HAL: variants seen among roughly 807,000 people sequenced by gnomAD.
The protein encoded by HAL is histidase.
A neutral mutation model predicts 81.1 loss-of-function variants in HAL; 85 were observed. The observed-to-expected ratio is 1.05, with a 90% CI of 0.88 to 1.25. The LOEUF (loss-of-function observed/expected upper bound fraction) is 1.25. Among genes scored for constraint, HAL ranks in the 50% most tolerant of loss-of-function variants. HAL has a pLI of 0.00. For synonymous variants in HAL, 301 were observed against 309.2 expected (o/e 0.97, Z 0.28); for missense variants, 798 against 836.6 (o/e 0.95, Z 0.57).
chr12:95,987,888 T>A (rs568956669), intron 11 of HAL, among the ~76,000 whole-genome samples: 161 of 126,736 alleles, frequency 1.3e-3, no homozygotes, highest in African/African-American at 4.4e-3. Flanking sequence ...TTTGTCTTTT[T>A]TGGCGGGGCG....
Position 95,994,959 on chromosome 12 carries a change from A to T in HAL, c.282T>A (p.Ile94=). 1 of 1,613,136 alleles carries T rather than the reference A, an allele frequency of 6.2e-7. No homozygotes were observed. Among genetic ancestry groups the T allele is most frequent in the Non-Finnish European group, 8.5e-7 (1 of 1,179,106 alleles). ...IEGDAMSPDF[I]PSQPEGVYLY... ...GATAAACTCCTTCTGGTTGAGATGGAATGAAGTCAGGAGACATGGCATCAC... is the reference window on the plus strand; with the variant it reads ...GATAAACTCCTTCTGGTTGAGATGGTATGAAGTCAGGAGACATGGCATCAC... Residue 94 remains isoleucine, a synonymous_variant, in exon 3 of 21, where the codon ATT becomes ATA. Coordinates refer to ENST00000261208, the MANE Select transcript of HAL (RefSeq NM_002108.4).
chr12:95,988,191 A>T lies in HAL; in HGVS notation c.903+2T>A. The stretch of plus-strand genomic sequence containing the variant: ...GAACATATTTTTCTTGAGTTTCCTT[A>T]CCTCTTTTGGTTTTAAAATAACTGG... On this transcript the variant is annotated splice_donor_variant, in intron 11 of 20. Transcript: ENST00000261208. LOFTEE classifies it high-confidence loss of function. 7.0e-7 allele frequency: 1 copy of T among 1,424,126 alleles called. No individual in the cohort carries two copies. The highest frequency in any genetic ancestry group is 9.9e-7 in the Non-Finnish European group (1 of 1,006,952). 88.2% of individuals were successfully genotyped at this position (1,424,126 alleles called of 1,614,324 possible).
Position 95,995,736 on chromosome 12 carries a change from T to G in HAL, c.175A>C (p.Lys59Gln), listed in dbSNP as rs1292561250. ...TCGTTGTCCAGCAGGCCCAGGCCCT[T>G]GCACCGGCGCACAAGGAAGTGCGCG... ...DDAHFLVRRCKGLGLLDNEDR... is the reference protein window; with the variant it reads ...DDAHFLVRRCQGLGLLDNEDR... Residue 59 changes from lysine to glutamine, a missense_variant, in exon 2 of 21, where the codon AAG (lysine) becomes CAG (glutamine). Transcript: ENST00000261208. The G allele has an allele frequency of 1.9e-6, 3 of 1,613,730 alleles. No homozygotes were observed. The highest frequency in any genetic ancestry group is 2.5e-6 in the Non-Finnish European group (3 of 1,180,032).
Position 95,980,797 on chromosome 12 carries a change from C to G in HAL, c.1353+1G>C, listed in dbSNP as rs772750369. The G allele has an allele frequency of 1.3e-6, 2 of 1,596,304 alleles. No homozygotes were observed. Among genetic ancestry groups the G allele is most frequent in the African/African-American group, 1.3e-5 (1 of 74,522 alleles). On this transcript the variant is annotated splice_donor_variant, in intron 16 of 20. Transcript: ENST00000261208. LOFTEE classifies it high-confidence loss of function. ...GTCAGGAGCAGTTTTAAAAAGCTTA[C>G]TTTGGCTGGGTATTCACCATGGAAG... is the stretch of plus-strand genomic sequence containing the variant.
Position 95,992,762 on chromosome 12 carries a change from C to G in HAL, c.633G>C (p.Leu211Phe). 1 of 1,612,576 alleles carries G rather than the reference C, an allele frequency of 6.2e-7. No individual in the cohort carries two copies. The highest frequency in any genetic ancestry group is 8.5e-7 in the Non-Finnish European group (1 of 1,178,602). ...PLSPERCRMLLALRINVLAKG... is the reference protein window; with the variant it reads ...PLSPERCRMLFALRINVLAKG... The stretch of plus-strand genomic sequence containing the variant: ...TGGCTAAGACATTGATCCTTAAAGC[C>G]AAGAGCATCCGACACCTCTCAGGAC... Residue 211 changes from leucine (L) to phenylalanine (F), a missense_variant, in exon 9 of 21, where the codon TTG (leucine) becomes TTC (phenylalanine). Transcript: ENST00000261208.
At chr12:95,990,764 A>G (rs4762263) in intron 9 of HAL, among the ~76,000 whole-genome samples, 95,310 of 151,980 alleles carry the variant, frequency 0.63, 30,435 homozygotes, top group African/African-American at 0.75. Flanking sequence ...AAGAAGAGAG[A>G]AAGGTAAAGA....
At chr12:95,978,105 A>C in intron 17 of HAL, 27 bp from the exon 18 acceptor site, 1 of 1,607,208 alleles carries the variant, frequency 6.2e-7, no homozygotes, top group Non-Finnish European at 8.5e-7. Flanking sequence ...CCAGTTAAGA[A>C]GTGCTCCTCA....
At chr12:95,986,974 G>T in intron 12 of HAL, 93 bp downstream of exon 12, 1 of 1,075,390 alleles carries the variant, frequency 9.3e-7, no homozygotes, top group Non-Finnish European at 1.4e-6. Context: ...CCTACTACCT[G>T]CCCCCACCAC....
intron 10 of HAL, 161 bp downstream of exon 10, chr12:95,990,232 C>G (rs867195787): frequency 1.4e-6 from 1 of 717,770 alleles, no homozygotes; most frequent in Middle Eastern, 2.5e-4. Flanking sequence ...ACAGTCTTGC[C>G]TAGTCTGACT....
At chr12:95,980,929 C>T in intron 15 of HAL, 66 bp from the exon 16 acceptor site, 1 of 945,748 alleles carries the variant, frequency 1.1e-6, no homozygotes, top group Non-Finnish European at 1.8e-6. Context: ...CCCCTTCCTG[C>T]CTTCTTTTTT....
In HAL at chr12:95,987,029, TTGAA is replaced by T. The variant is rs746308266; in HGVS notation, c.1051+34_1051+37del. The T allele has an allele frequency of 4.4e-6, 7 of 1,583,438 alleles. No individual in the cohort carries two copies. The South Asian group carries it at 4.4e-5, about 10-fold the overall frequency. On this transcript the variant is annotated intron_variant, in intron 12 of 20. Transcript: ENST00000261208. The stretch of plus-strand genomic sequence containing the variant: ...AGCCACCCCGCCCCACCACCTCTGG[TTGAA>T]TGAATAACAACCAAAAGGAAGAACC...
At chr12:95,993,334 T>C (rs1949994678) in intron 8 of HAL, 117 bp downstream of exon 8, 1 of 795,752 alleles carries the variant, frequency 1.3e-6, no homozygotes, top group East Asian at 2.4e-5. Flanking sequence ...ACCTAGTTCT[T>C]GAAATGCTGT....
At chr12:95,989,679 G>C (rs1241240689) in intron 10 of HAL, 1 of 155,064 alleles carries the variant, frequency 6.4e-6, no homozygotes, top group Non-Finnish European at 1.4e-5. Flanking sequence ...AAAGGTCAGG[G>C]TGATTGCTGT....
chr12:95,988,216 G>T lies in HAL; in HGVS notation c.880C>A (p.Pro294Thr). Residue 294 changes from proline (P) to threonine (T), a missense_variant, in exon 11 of 21, where the codon CCA (proline) becomes ACA (threonine). Pro to Thr is a conservative substitution (Grantham distance 38). Coordinates refer to ENST00000261208, the MANE Select transcript of HAL (RefSeq NM_002108.4). ...KYVLEAHGLK[P>T]VILKPKEGLA... ...ACCTCTTTTGGTTTTAAAATAACTG[G>T]TTTCAATCCATGGGCTTCTAGCACC... The T allele has an allele frequency of 6.6e-7, 1 of 1,519,320 alleles. No homozygotes were observed. Among genetic ancestry groups the T allele is most frequent in the Non-Finnish European group, 9.1e-7 (1 of 1,093,922 alleles). 94.1% of individuals were successfully genotyped at this position (1,519,320 alleles called of 1,614,324 possible).
chr12:95,985,707 G>GTC (rs1949875870), intron 14 of HAL, among the ~76,000 whole-genome samples: 2 of 147,132 alleles, frequency 1.4e-5, no homozygotes, highest in Admixed American at 1.4e-4. Context: ...TCACCATATA[G>GTC]AATAGAAACT....
At chr12:95,980,931 T>G (rs1417089025) in intron 15 of HAL, 68 bp from the exon 16 acceptor site, 1 of 935,516 alleles carries the variant, frequency 1.1e-6, no homozygotes, top group Admixed American at 1.7e-5. Flanking sequence ...CCTTCCTGCC[T>G]TCTTTTTTAA....
chr12:95,974,686 A>G (rs1212892113), intron 20 of HAL, among the ~76,000 whole-genome samples: 1 of 152,164 alleles, frequency 6.6e-6, no homozygotes, highest in Non-Finnish European at 1.5e-5. Context: ...AGAGTGAAGG[A>G]TAGTTGCTCC....
chr12:95,980,754 T>G, intron 16 of HAL, 33 bp from the exon 17 acceptor site: 1 of 1,607,750 alleles, frequency 6.2e-7, no homozygotes, highest in Non-Finnish European at 8.5e-7. Flanking sequence ...TCAGCCTATA[T>G]TGAAATGTGC....
intron 20 of HAL, among the ~76,000 whole-genome samples, chr12:95,975,352 T>TC (rs1023021180): frequency 6.8e-6 from 1 of 147,176 alleles, no homozygotes; most frequent in Non-Finnish European, 1.5e-5. Flanking sequence ...TTTTTCTTTT[T>TC]TTTTTTTTTT....
Sources: allele counts gnomAD v4.1 joint callset (sites outside exome capture counted in the v4.1 genomes callset), GRCh38; gene constraint gnomAD v4.1.1; transcripts MANE v1.5; gene names NCBI Gene and HGNC (gene_info 2026-07-23, HGNC 2026-07-21).